The following RFFL variants were observed in gnomAD, a reference collection of about 807,000 sequenced individuals.
RFFL encodes ring finger and FYVE like domain containing E3 ubiquitin protein ligase.
Under a neutral mutation model 40.4 loss-of-function variants are expected in RFFL, and 16 were observed. The observed-to-expected ratio is 0.40, with a 90% CI of 0.27 to 0.60. The LOEUF is 0.60. RFFL is among the 20% of genes least tolerant of loss of function. RFFL has a pLI of 0.47. For missense variants in RFFL, 367 were observed against 451.7 expected, an observed-to-expected ratio of 0.81 and a Z score of 1.70; for synonymous variants, 154 against 167.9, an observed-to-expected ratio of 0.92 and a Z score of 0.64.
chr17:35,016,748 A>G (rs2090976630), intron 4 of RFFL, among the ~76,000 whole-genome samples, 168 bp from the exon 5 acceptor site: 1 of 152,156 alleles, frequency 6.6e-6, no homozygotes, highest in African/African-American at 2.4e-5. Context: ...TGCAAAATAT[A>G]CTAGAATCTC....
intron 1 of RFFL, among the ~76,000 whole-genome samples, chr17:35,044,258 T>C (rs1198779067): frequency 6.6e-6 from 1 of 152,228 alleles, no homozygotes; most frequent in East Asian, 1.9e-4. Flanking sequence ...ATTTTTATTT[T>C]TTTTGTAGAG....
rs1203944340 is a variant in RFFL at position 35,009,434 on chromosome 17, G to A, written c.*2534C>T. The A allele has an allele frequency of 1.3e-5, 2 of 152,074 alleles. No homozygotes were observed. The highest frequency in any genetic ancestry group is 2.9e-5 in the Non-Finnish European group (2 of 68,016). 9.4% of individuals were successfully genotyped at this position (152,074 alleles called of 1,614,324 possible). ...AGCTACGGAATAATTCTAAGAATTA[G>A]ATGTTTCCATATCATTAAAACCAAG... On this transcript the variant is annotated 3_prime_UTR_variant, in exon 7 of 7. Coordinates refer to ENST00000394597, the MANE Select transcript of RFFL (RefSeq NM_001017368.2).
chr17:35,072,842 G>T (rs984199809), intron 1 of RFFL, among the ~76,000 whole-genome samples: 11 of 152,184 alleles, frequency 7.2e-5, no homozygotes, highest in African/African-American at 2.4e-4. Context: ...TGGAGAGTTC[G>T]AGACCAGCCT....
chr17:35,022,956 G>T (rs1040932899), intron 2 of RFFL, among the ~76,000 whole-genome samples: 2 of 152,162 alleles, frequency 1.3e-5, no homozygotes, highest in Admixed American at 1.3e-4. Context: ...ACACAGGAAG[G>T]CTTACTCAGC....
At chr17:35,035,891 C>T (rs1391337405) in intron 1 of RFFL, among the ~76,000 whole-genome samples, 1 of 151,792 alleles carries the variant, frequency 6.6e-6, no homozygotes, top group Non-Finnish European at 1.5e-5. Context: ...TTAGTAGAGA[C>T]GGGGTTTCAC....
At chr17:35,073,531 C>A (rs569579098) in intron 1 of RFFL, among the ~76,000 whole-genome samples, 9 of 152,114 alleles carry the variant, frequency 5.9e-5, no homozygotes, top group Non-Finnish European at 1.2e-4. Flanking sequence ...TTCTATGATT[C>A]TCTGGCCCAT....
At chr17:35,056,825 G>C (rs2091264236) in intron 1 of RFFL, among the ~76,000 whole-genome samples, 1 of 152,152 alleles carries the variant, frequency 6.6e-6, no homozygotes, top group African/African-American at 2.4e-5. Flanking sequence ...CTACAGAGTA[G>C]CCAGGGTAAC....
At chr17:35,062,531 C>T (rs1341192702) in intron 1 of RFFL, among the ~76,000 whole-genome samples, 2 of 152,114 alleles carry the variant, frequency 1.3e-5, no homozygotes. Flanking sequence ...GCAAAGCAGA[C>T]CCTGATTCTC....
chr17:35,016,226 G>A, intron 5 of RFFL, 144 bp downstream of exon 5: 1 of 705,488 alleles, frequency 1.4e-6, no homozygotes, highest in Non-Finnish European at 2.4e-6. Context: ...ACAAATGACA[G>A]CTATTATTAG....
chr17:35,021,877 C>G lies in RFFL; in HGVS notation c.181-96G>C, dbSNP rs1010290721. 12 of 1,168,276 alleles carry G rather than the reference C, an allele frequency of 1.0e-5. No individual in the cohort carries two copies. In the African/African-American group the frequency reaches 1.1e-4, roughly 10 times the overall value. The allele number at this position is 1,168,276 out of a possible 1,614,324, so 72.4% of individuals were successfully genotyped here. A position where few individuals can be genotyped will look rare whatever the true frequency, so the allele number is the denominator to read the frequency against. On this transcript the variant is annotated intron_variant, in intron 2 of 6. Coordinates refer to ENST00000394597, the MANE Select transcript of RFFL (RefSeq NM_001017368.2). ...TCAGAGCTGCCAAGCCCAGCAGGAT[C>G]TCCTCCAGTCACTCTTACTTTTACT...
chr17:35,059,094 C>T (rs893617015), intron 1 of RFFL, among the ~76,000 whole-genome samples: 12 of 149,534 alleles, frequency 8.0e-5, no homozygotes, highest in African/African-American at 2.5e-4. Context: ...TCTTGGCTCA[C>T]TGCAACCTCC....
At chr17:35,012,170 G>A (rs1567699190) in intron 6 of RFFL, 21 bp from the exon 7 acceptor site, 18 of 1,600,258 alleles carry the variant, frequency 1.1e-5, no homozygotes, top group Admixed American at 1.1e-4. Flanking sequence ...ACACAGGGCA[G>A]AAAAAAAGGG....
At chr17:35,021,242 G>A (rs1567701603) in intron 3 of RFFL, 129 bp downstream of exon 3, 1 of 946,606 alleles carries the variant, frequency 1.1e-6, no homozygotes, top group Non-Finnish European at 1.5e-6. Context: ...TGCACCAGTA[G>A]TCAGAAAGGC....
chr17:35,045,112 G>A (rs1567709317), intron 1 of RFFL, among the ~76,000 whole-genome samples: 2 of 151,842 alleles, frequency 1.3e-5, no homozygotes, highest in Admixed American at 6.6e-5. Flanking sequence ...CTGTACCTCT[G>A]GAGAACGTAA....
At chr17:35,053,620 T>A (rs889574998) in intron 1 of RFFL, among the ~76,000 whole-genome samples, 2 of 152,176 alleles carry the variant, frequency 1.3e-5, no homozygotes, top group Non-Finnish European at 2.9e-5. Flanking sequence ...ATTTGTAAAT[T>A]GAAGATAATT....
chr17:35,042,285 A>C (rs1220665933), intron 1 of RFFL: 1 of 152,230 alleles, frequency 6.6e-6, no homozygotes, highest in East Asian at 1.9e-4. Context: ...CTGGCAAGCA[A>C]CTTGAACTCC....
At chr17:35,033,466 T>G (rs2091098648) in intron 1 of RFFL, among the ~76,000 whole-genome samples, 2 of 151,830 alleles carry the variant, frequency 1.3e-5, no homozygotes, top group Non-Finnish European at 2.9e-5. Context: ...AGGTGGAAGT[T>G]GCAGTGAGCC....
chr17:35,067,456 CTT>C (rs34727905), upstream of RFFL, among the ~76,000 whole-genome samples: 94 of 126,640 alleles, frequency 7.4e-4, no homozygotes, highest in South Asian at 0.012. Context: ...TCTTCCAAGC[CTT>C]TTTTTTTTTT....
chr17:35,047,612 AGGGTCTCCCTCTGTTGCCCAGACT>A (rs2091207042), intron 1 of RFFL, among the ~76,000 whole-genome samples: 1 of 152,150 alleles, frequency 6.6e-6, no homozygotes, highest in Admixed American at 6.6e-5. Flanking sequence ...GTTTTCAGAC[AGGGTCTCCCTCTGTTGCCCAGACT>A]GGAGTGCAGT....
Sources: gnomAD v4.1 joint callset for allele counts (sites outside exome capture counted in the v4.1 genomes callset) on GRCh38, gnomAD v4.1.1 for gene constraint, MANE v1.5 for transcripts, NCBI Gene and HGNC (gene_info 2026-07-23, HGNC 2026-07-21) for gene names.